Variants in CNTNAP2 observed in about 807,000 individuals in gnomAD.
CNTNAP2 encodes contactin associated protein 2.
In CNTNAP2, 98 loss-of-function variants were observed where a neutral mutation model predicts 155.2. The ratio of observed to expected loss-of-function variants is 0.63; its 90% CI spans 0.54 to 0.75. CNTNAP2 has a LOEUF of 0.75. Among genes scored for constraint, CNTNAP2 ranks in the 30% least tolerant of loss-of-function variants. CNTNAP2 has a pLI of 0.00. For missense variants in CNTNAP2, 1,727 were observed against 1,688.1 expected, an observed-to-expected ratio of 1.02 and a Z score of -0.40; for synonymous variants, 651 against 631.2, an observed-to-expected ratio of 1.03 and a Z score of -0.47.
intron 1 of CNTNAP2, among the ~76,000 whole-genome samples, chr7:146,137,948 A>G (rs920901031): frequency 1.4e-4 from 22 of 152,148 alleles, no homozygotes; most frequent in Non-Finnish European, 2.6e-4. Context: ...TGAGCACCAT[A>G]TTTAAATATA....
chr7:147,999,271 C>T (rs1320542281), intron 15 of CNTNAP2, among the ~76,000 whole-genome samples: 2 of 151,990 alleles, frequency 1.3e-5, no homozygotes, highest in Non-Finnish European at 2.9e-5. Context: ...TTAGTAGAGA[C>T]GGGGTTTCAC....
chr7:148,054,997 C>T (rs111335905), intron 15 of CNTNAP2, among the ~76,000 whole-genome samples: 6,164 of 151,994 alleles, frequency 0.041, 167 homozygotes, highest in South Asian at 0.12. Flanking sequence ...ATTCTCCTGC[C>T]TCAGCCTCCC....
At chr7:148,239,727 C>T (rs757224731) in intron 20 of CNTNAP2, among the ~76,000 whole-genome samples, 1 of 152,178 alleles carries the variant, frequency 6.6e-6, no homozygotes, top group Non-Finnish European at 1.5e-5. Flanking sequence ...TCCTCTCCCT[C>T]CCAGTACCTT....
chr7:147,233,833 A>G (rs1803738907), intron 8 of CNTNAP2, among the ~76,000 whole-genome samples: 1 of 152,078 alleles, frequency 6.6e-6, no homozygotes, highest in Non-Finnish European at 1.5e-5. Context: ...TTCATCTTTT[A>G]TCAAATATTT....
intron 13 of CNTNAP2, among the ~76,000 whole-genome samples, chr7:147,750,406 C>T (rs1263327413): frequency 6.6e-6 from 1 of 152,084 alleles, no homozygotes; most frequent in East Asian, 1.9e-4. Flanking sequence ...ATTTGGAGAA[C>T]ATTGGGTGGT....
chr7:146,254,230 T>C (rs574498672), intron 1 of CNTNAP2, among the ~76,000 whole-genome samples: 1 of 152,130 alleles, frequency 6.6e-6, no homozygotes, highest in South Asian at 2.1e-4. Flanking sequence ...AAAGCTTACA[T>C]AACTGTGCAA....
At chr7:147,531,558 G>T (rs1799431119) in intron 11 of CNTNAP2, among the ~76,000 whole-genome samples, 1 of 152,196 alleles carries the variant, frequency 6.6e-6, no homozygotes, top group Non-Finnish European at 1.5e-5. Context: ...GCCATGGCTG[G>T]AGAGGCTGGT....
chr7:147,174,009 A>T (rs983345099), intron 8 of CNTNAP2, among the ~76,000 whole-genome samples: 5 of 152,184 alleles, frequency 3.3e-5, no homozygotes, highest in African/African-American at 1.2e-4. Context: ...GGAACTGATT[A>T]TGCCTAAAAC....
At chr7:147,538,152 T>C (rs1799580327) in intron 11 of CNTNAP2, among the ~76,000 whole-genome samples, 1 of 152,178 alleles carries the variant, frequency 6.6e-6, no homozygotes, top group Non-Finnish European at 1.5e-5. Flanking sequence ...AAACTAAACG[T>C]TCATCGGTAT....
rs568493098 is a variant in CNTNAP2 at position 147,824,360 on chromosome 7, A to T, written c.2099-79205A>T. Among the ~76,000 whole-genome samples the T allele has an allele frequency of 5.8e-4, 88 of 152,266 alleles. No homozygotes were observed. In the Middle Eastern group the frequency reaches 0.01, roughly 18 times the overall value. ...CTCTCAAGTCTGGCTATGATGACGA[A>T]GTCTTGAGAAGCTAGTAAGCCTTGC... On this transcript the variant is annotated intron_variant, in intron 13 of 23. Transcript: ENST00000361727.
intron 10 of CNTNAP2, among the ~76,000 whole-genome samples, chr7:147,473,266 C>G (rs1181809906): frequency 6.6e-6 from 1 of 151,946 alleles, no homozygotes; most frequent in Non-Finnish European, 1.5e-5. Flanking sequence ...GTTATGGGGC[C>G]GAAAGGGAGA....
chr7:147,981,711 TA>T (rs1451471983), intron 15 of CNTNAP2, among the ~76,000 whole-genome samples: 7 of 152,076 alleles, frequency 4.6e-5, no homozygotes, highest in African/African-American at 1.4e-4. Context: ...ATCAAAATGC[TA>T]AAGAAAATCA....
chr7:148,153,020 CAAAAAAAAAAAA>C (rs373499312), intron 17 of CNTNAP2, among the ~76,000 whole-genome samples: 1 of 22,664 alleles, frequency 4.4e-5, no homozygotes, highest in African/African-American at 1.7e-4. Flanking sequence ...GACTCCGTCT[CAAAAAAAAAAAA>C]AAAAAAAAAA....
rs562746426 is a variant in CNTNAP2, at chr7:146,472,777, C to T, written c.98-301494C>T. Among the ~76,000 whole-genome samples, 134 of 151,932 alleles carry T rather than the reference C, an allele frequency of 8.8e-4. 1 individual carries two copies. The highest frequency in any genetic ancestry group is 1.6e-3 in the Non-Finnish European group (106 of 67,988). ...TTGGTATTTTGCAAGGTCAGTCAGCCTAGCTGAGAGTCGAATTAGTTTGAG... is the reference window on the plus strand; with the variant it reads ...TTGGTATTTTGCAAGGTCAGTCAGCTTAGCTGAGAGTCGAATTAGTTTGAG... On this transcript the variant is annotated intron_variant, in intron 1 of 23. Coordinates refer to ENST00000361727, the MANE Select transcript of CNTNAP2 (RefSeq NM_014141.6).
Position 146,974,502 on chromosome 7 carries a change from G to A in CNTNAP2, c.403-69405G>A, listed in dbSNP as rs564409517. On this transcript the variant is annotated intron_variant, in intron 3 of 23. Coordinates refer to ENST00000361727, the MANE Select transcript of CNTNAP2 (RefSeq NM_014141.6). ...AGTTACTTATTTACCTTTAACTATA[G>A]ATGTCAAATTTAGAGTTAGATTTTC... 7.2e-4 allele frequency among the ~76,000 whole-genome samples: 110 copies of A among 151,992 alleles called. 3 individuals are homozygous for A. The South Asian group carries it at 0.022, about 31-fold the overall frequency.
intron 12 of CNTNAP2, among the ~76,000 whole-genome samples, chr7:147,607,365 A>G (rs146084829): frequency 2.0e-5 from 3 of 152,054 alleles, no homozygotes; most frequent in African/African-American, 7.2e-5. Context: ...GTGAGGCCCA[A>G]CATTTCCTTC....
intron 4 of CNTNAP2, among the ~76,000 whole-genome samples, chr7:147,089,152 A>G (rs771463627): frequency 6.6e-6 from 1 of 152,192 alleles, no homozygotes; most frequent in Middle Eastern, 3.2e-3. Flanking sequence ...CATGGGAGCT[A>G]CATTACCCCA....
At chr7:147,211,594 G>C (rs1165270821) in intron 8 of CNTNAP2, among the ~76,000 whole-genome samples, 1 of 151,798 alleles carries the variant, frequency 6.6e-6, no homozygotes, top group Non-Finnish European at 1.5e-5. Context: ...CACGGTGCTG[G>C]GATAGACTAA....
At position 146,535,401 on chromosome 7, in the gene CNTNAP2, T is replaced by G. The variant is rs1055185612; in HGVS notation, c.98-238870T>G. Among the ~76,000 whole-genome samples, 2 of 48,068 alleles carry G rather than the reference T, an allele frequency of 4.2e-5. 1 individual carries two copies. The highest frequency in any genetic ancestry group is 4.9e-4 in the African/African-American group (2 of 4,102). 31.5% of individuals were successfully genotyped at this position (48,068 alleles called of 152,430 possible). On this transcript the variant is annotated intron_variant, in intron 1 of 23. Transcript: ENST00000361727. ...ATGATATAATATATGATATATATAT[T>G]ATATATGATATAATATATGATATAT...
Sources: allele counts gnomAD v4.1 joint callset (sites outside exome capture counted in the v4.1 genomes callset), GRCh38; gene constraint gnomAD v4.1.1; transcripts MANE v1.5; gene names NCBI Gene and HGNC (gene_info 2026-07-23, HGNC 2026-07-21).